NFIB: variants seen among roughly 807,000 people sequenced by gnomAD.
NFIB encodes the protein nuclear factor 1 B-type.
In NFIB, 11 loss-of-function variants were observed where a neutral mutation model predicts 61.5. The observed-to-expected ratio is 0.18, with a 90% CI of 0.11 to 0.30. The LOEUF is 0.30. NFIB is among the 10% of genes least tolerant of loss of function. The pLI is 1.00. For synonymous variants in NFIB, 260 were observed against 216.5 expected (o/e 1.20, Z -1.76); for missense variants, 471 against 608.9 (o/e 0.77, Z 2.38).
At chr9:14,431,977 C>T in the NFIB span, among the ~76,000 whole-genome samples, 1,345 of 152,238 alleles carry the variant, frequency 8.8e-3, 20 homozygotes, top group African/African-American at 0.031. Flanking sequence ...AATGGTGTGC[C>T]TGACTCATGC....
At chr9:14,252,720 C>A (rs918325427) in intron 2 of NFIB, among the ~76,000 whole-genome samples, 6 of 152,050 alleles carry the variant, frequency 3.9e-5, no homozygotes, top group Non-Finnish European at 8.8e-5. Context: ...AAAGTGAGAA[C>A]AAGATCACGA....
chr9:14,181,696 G>C (rs1202396488), intron 2 of NFIB, among the ~76,000 whole-genome samples: 1 of 152,130 alleles, frequency 6.6e-6, no homozygotes, highest in Non-Finnish European at 1.5e-5. Flanking sequence ...AATTTCTCAA[G>C]CGATTCTAAC....
At chr9:14,092,699 T>C (rs73409937) in intron 10 of NFIB, among the ~76,000 whole-genome samples, 73 of 152,218 alleles carry the variant, frequency 4.8e-4, no homozygotes, top group African/African-American at 1.7e-3. Context: ...AATATGTAGC[T>C]GGTCTAAGTG....
chr9:14,196,139 G>A (rs996995272), intron 2 of NFIB, among the ~76,000 whole-genome samples: 4 of 151,858 alleles, frequency 2.6e-5, no homozygotes, highest in African/African-American at 9.7e-5. Context: ...ACCTGGATTA[G>A]TTTTCAGCTT....
At position 14,115,916 on chromosome 9, in the gene NFIB, G is replaced by C. The variant is rs527674536; in HGVS notation, c.1384+292C>G. 4.6e-5 allele frequency among the ~76,000 whole-genome samples: 7 copies of C among 152,310 alleles called. No individual in the cohort carries two copies. The East Asian group carries it at 1.4e-3, about 29-fold the overall frequency. On this transcript the variant is annotated intron_variant, in intron 9 of 10. Transcript: ENST00000380953. ...TCAGTGCAATTTCAATGTATACCTT[G>C]AACAAGCAGGCATGACTTATTATTT...
At chr9:14,470,502 GA>G in the NFIB span, among the ~76,000 whole-genome samples, 2 of 152,024 alleles carry the variant, frequency 1.3e-5, no homozygotes, top group African/African-American at 4.8e-5. Flanking sequence ...CCCTTCTATG[GA>G]TGAACTCCAT....
the NFIB span, among the ~76,000 whole-genome samples, chr9:14,427,351 A>T: frequency 6.6e-6 from 1 of 152,176 alleles, no homozygotes; most frequent in Non-Finnish European, 1.5e-5. Flanking sequence ...TGCTTTGCCT[A>T]TATTAGCTTA....
chr9:14,388,395 G>A (rs531087607), intron 1 of NFIB, among the ~76,000 whole-genome samples: 7 of 11,098 alleles, frequency 6.3e-4, no homozygotes, highest in Admixed American at 3.9e-3. Flanking sequence ...AAGGAAGGAA[G>A]GAAGGAAGGA....
chr9:14,391,943 G>A (rs4537389), intron 1 of NFIB, among the ~76,000 whole-genome samples: 75 of 152,130 alleles, frequency 4.9e-4, no homozygotes, highest in African/African-American at 1.7e-3. Flanking sequence ...ACTTCTGGCC[G>A]TCAGCTGAAT....
the NFIB span, among the ~76,000 whole-genome samples, chr9:14,439,742 C>T: frequency 1.9e-4 from 29 of 152,162 alleles, no homozygotes; most frequent in Non-Finnish European, 3.2e-4. Flanking sequence ...CCTCAGGGTC[C>T]GGACAGGTGG....
intron 2 of NFIB, among the ~76,000 whole-genome samples, chr9:14,181,856 G>T (rs1431777661): frequency 1.3e-5 from 2 of 152,168 alleles, no homozygotes; most frequent in Admixed American, 6.5e-5. Context: ...TGACACCTGA[G>T]ATAGTTAAAG....
At chr9:14,412,395 A>G in the NFIB span, among the ~76,000 whole-genome samples, 167 of 152,346 alleles carry the variant, frequency 1.1e-3, 1 homozygote, top group Admixed American at 1.5e-3. Context: ...CAAATGAGTA[A>G]AGCAAAATGC....
At chr9:14,107,904 C>T (rs115950846) in intron 10 of NFIB, among the ~76,000 whole-genome samples, 5,841 of 152,140 alleles carry the variant, frequency 0.038, 136 homozygotes, top group Non-Finnish European at 0.048. Flanking sequence ...TTAAAGTTAA[C>T]GTTACATAAA....
At chr9:14,414,742 T>C in the NFIB span, among the ~76,000 whole-genome samples, 1 of 152,072 alleles carries the variant, frequency 6.6e-6, no homozygotes, top group African/African-American at 2.4e-5. Context: ...AAAGGGAAAA[T>C]AGCTTTTATT....
intron 10 of NFIB, among the ~76,000 whole-genome samples, chr9:14,108,463 C>T (rs562758332): frequency 1.3e-5 from 2 of 152,152 alleles, no homozygotes; most frequent in South Asian, 4.1e-4. Context: ...CAGAAATTTT[C>T]AGTGTAATGA....
the NFIB span, among the ~76,000 whole-genome samples, chr9:14,519,877 C>G: frequency 6.6e-6 from 1 of 152,166 alleles, no homozygotes; most frequent in South Asian, 2.1e-4. Flanking sequence ...TGCCTAGGCC[C>G]TTAACCATAA....
intron 2 of NFIB, among the ~76,000 whole-genome samples, chr9:14,277,696 G>A (rs555173292): frequency 7.2e-5 from 11 of 152,166 alleles, no homozygotes; most frequent in Non-Finnish European, 1.3e-4. Flanking sequence ...TAGACCTAAA[G>A]TAAGGGCTTC....
the NFIB span, among the ~76,000 whole-genome samples, chr9:14,419,575 C>CTGTTACGTTACGTAGCCTTGCA: frequency 5.0e-4 from 76 of 152,172 alleles, no homozygotes; most frequent in Non-Finnish European, 5.9e-5. Flanking sequence ...GCAACGAGCC[C>CTGTTACGTTACGTAGCCTTGCA]TGTTACGTTA....
chr9:14,524,022 G>C, the NFIB span, among the ~76,000 whole-genome samples: 2 of 152,080 alleles, frequency 1.3e-5, no homozygotes, highest in African/African-American at 4.8e-5. Context: ...CATTACCATT[G>C]ATCAACCCAG....
Sources: gnomAD v4.1 joint callset for allele counts (sites outside exome capture counted in the v4.1 genomes callset) on GRCh38, gnomAD v4.1.1 for gene constraint, MANE v1.5 for transcripts, NCBI Gene and HGNC (gene_info 2026-07-23, HGNC 2026-07-21) for gene names.